The following CFAP47 variants were observed in gnomAD, a reference collection of about 807,000 sequenced individuals.
CFAP47 encodes cilia- and flagella-associated protein 47.
Under a neutral mutation model 148.1 loss-of-function variants are expected in CFAP47, and 29 were observed. The ratio of observed to expected loss-of-function variants is 0.20; its 90% confidence interval spans 0.15 to 0.27. The LOEUF is 0.27. CFAP47 is among the 10% of genes least tolerant of loss of function. CFAP47 has a pLI of 1.00. For synonymous variants in CFAP47, 664 were observed against 577.3 expected (o/e 1.15, Z -2.15); for missense variants, 1,872 against 1,697.5 (o/e 1.10, Z -1.81).
chrX:36,073,546 A>T (rs756611727), intron 29 of CFAP47, among the ~76,000 whole-genome samples, 182 bp downstream of exon 29: 1 of 111,463 alleles, frequency 9.0e-6, no homozygotes, highest in Non-Finnish European at 1.9e-5. Flanking sequence ...GCAAACACAA[A>T]TTTTTTAGTA....
intron 21 of CFAP47, among the ~76,000 whole-genome samples, chrX:36,008,760 ACT>A (rs1034496013): frequency 1.7e-4 from 19 of 110,149 alleles, no homozygotes; most frequent in African/African-American, 6.3e-4. Context: ...ACAGAGTGAG[ACT>A]CTGTCTCAAA....
intron 63 of CFAP47, among the ~76,000 whole-genome samples, chrX:36,383,124 G>GCA: frequency 9.1e-6 from 1 of 110,048 alleles, no homozygotes; most frequent in Non-Finnish European, 1.9e-5. Context: ...CACACACGAA[G>GCA]CACACACACA....
At chrX:36,092,153 A>G (rs979932420) in intron 30 of CFAP47, among the ~76,000 whole-genome samples, 1 of 111,799 alleles carries the variant, frequency 8.9e-6, no homozygotes, top group Non-Finnish European at 1.9e-5. Context: ...AAATATGTAC[A>G]TACATAGGCT....
chrX:36,357,835 T>G (rs1941797342), intron 60 of CFAP47, among the ~76,000 whole-genome samples: 1 of 111,793 alleles, frequency 8.9e-6, no homozygotes, highest in Non-Finnish European at 1.9e-5. Context: ...GTAGTTTTAG[T>G]CATGCCCCTT....
chrX:36,359,604 G>T (rs1330323624), intron 60 of CFAP47, among the ~76,000 whole-genome samples: 1 of 111,179 alleles, frequency 9.0e-6, no homozygotes, highest in Non-Finnish European at 1.9e-5. Flanking sequence ...TTGCCAGTGA[G>T]ATTTATACTT....
At chrX:36,303,718 A>T in intron 53 of CFAP47, 131 bp from the exon 54 acceptor site, 1 of 368,754 alleles carries the variant, frequency 2.7e-6, no homozygotes, top group African/African-American at 2.6e-5. Context: ...ATTCTGAAGT[A>T]CTAGGAATTA....
chrX:36,136,833 T>C (rs1196616790), intron 33 of CFAP47, among the ~76,000 whole-genome samples: 3 of 112,064 alleles, frequency 2.7e-5, no homozygotes, highest in Non-Finnish European at 5.7e-5. Context: ...TTGAATCTTA[T>C]ATCAAAAATG....
chrX:36,376,501 C>A (rs781926943), intron 62 of CFAP47, among the ~76,000 whole-genome samples: 2 of 111,980 alleles, frequency 1.8e-5, no homozygotes, highest in Admixed American at 9.5e-5. Context: ...CCTTCTTTTT[C>A]TTTCCCTACA....
chrX:36,099,361 GT>G (rs1444267955), intron 31 of CFAP47, among the ~76,000 whole-genome samples: 7 of 109,798 alleles, frequency 6.4e-5, no homozygotes, highest in African/African-American at 2.3e-4. Context: ...GGCAACTATG[GT>G]TGTAGGACTC....
chrX:36,146,883 G>A (rs1242280949), intron 36 of CFAP47, among the ~76,000 whole-genome samples: 3 of 106,974 alleles, frequency 2.8e-5, no homozygotes, highest in Non-Finnish European at 3.8e-5. Context: ...GCAGGTTCAA[G>A]CGATTCTCCT....
intron 50 of CFAP47, among the ~76,000 whole-genome samples, chrX:36,283,720 CTCTG>C (rs1254517359): frequency 8.9e-6 from 1 of 111,841 alleles, no homozygotes; most frequent in Non-Finnish European, 1.9e-5. Flanking sequence ...TTCTTAAAAT[CTCTG>C]TCTTTCTCGC....
At chrX:36,298,883 T>C (rs1485332873) in intron 51 of CFAP47, 94 bp from the exon 52 acceptor site, 5 of 515,252 alleles carry the variant, frequency 9.7e-6, no homozygotes, top group Non-Finnish European at 1.3e-5. Context: ...AATGGCCTTA[T>C]ATTATGTAAT....
At chrX:36,169,996 A>G (rs1939546701) in intron 39 of CFAP47, among the ~76,000 whole-genome samples, 1 of 111,860 alleles carries the variant, frequency 8.9e-6, no homozygotes, top group Non-Finnish European at 1.9e-5. Context: ...AAGAAGTCCA[A>G]TCTCAGTCTT....
In CFAP47 at chrX:35,951,174, G is replaced by A; in HGVS notation, c.700G>A (p.Ala234Thr). 1 of 1,211,530 alleles carries A rather than the reference G, an allele frequency of 8.3e-7. No homozygotes were observed. Among genetic ancestry groups the A allele is most frequent in the East Asian group, 3.0e-5 (1 of 33,820 alleles). Residue 234 changes from alanine to threonine, a missense_variant, in exon 5 of 64, where the codon GCT becomes ACT. By Grantham distance (58) the Ala-to-Thr change is moderately conservative. Transcript: ENST00000378653. ...ACCTGAGATGCTCTTGAGTATCAAA[G>A]CTCATGTGGTTGAGCAGATTATTGA... ...GQPEMLLSIK[A>T]HVVEQIIELL...
At chrX:36,002,389 C>A (rs923714357) in intron 21 of CFAP47, among the ~76,000 whole-genome samples, 1 of 110,987 alleles carries the variant, frequency 9.0e-6, no homozygotes, top group Non-Finnish European at 1.9e-5. Flanking sequence ...GAGTTTGAGA[C>A]CAGCCTGACC....
intron 27 of CFAP47, among the ~76,000 whole-genome samples, chrX:36,068,027 T>C (rs1290407284): frequency 8.9e-6 from 1 of 111,972 alleles, no homozygotes; most frequent in Non-Finnish European, 1.9e-5. Context: ...ATATCATTGC[T>C]AGGTGGATGA....
intron 5 of CFAP47, among the ~76,000 whole-genome samples, 185 bp downstream of exon 5, chrX:35,951,544 A>G (rs1482364780): frequency 8.9e-6 from 1 of 112,025 alleles, no homozygotes; most frequent in African/African-American, 3.2e-5. Flanking sequence ...CATTTATAGT[A>G]ATATATATCT....
intron 45 of CFAP47, among the ~76,000 whole-genome samples, chrX:36,206,725 T>G (rs1360625773): frequency 8.9e-6 from 1 of 112,154 alleles, no homozygotes. Flanking sequence ...GTTTTTAAGT[T>G]ATCTACATTT....
chrX:36,383,575 A>G lies in CFAP47; in HGVS notation c.9355-1222A>G, dbSNP rs7064684. Among the ~76,000 whole-genome samples, 334 of 111,976 alleles carry G rather than the reference A, an allele frequency of 3.0e-3. 1 individual carries two copies. Among genetic ancestry groups the G allele is most frequent in the African/African-American group, 0.01 (321 of 30,849 alleles). On this transcript the variant is annotated intron_variant, in intron 63 of 63. Coordinates refer to ENST00000378653, the MANE Select transcript of CFAP47 (RefSeq NM_001304548.2). The stretch of plus-strand genomic sequence containing the variant: ...GTAAAATTTTTTTTTACCCAGTCGT[A>G]TTATGCTCCTTGGTTTGGTCCACTT...
Sources: allele counts gnomAD v4.1 joint callset (sites outside exome capture counted in the v4.1 genomes callset), GRCh38; gene constraint gnomAD v4.1.1; transcripts MANE v1.5; gene names NCBI Gene and HGNC (gene_info 2026-07-23, HGNC 2026-07-21).